Variants in RASGRP3 observed in about 807,000 individuals in gnomAD.
The protein encoded by RASGRP3 is ras guanyl-releasing protein 3.
In RASGRP3, 54 loss-of-function variants were observed where a neutral mutation model predicts 82.7. The observed-to-expected ratio is 0.65, with a 90% CI of 0.52 to 0.82. The LOEUF (loss-of-function observed/expected upper bound fraction) is 0.82, where lower values mean the gene tolerates loss of function less well. RASGRP3 is among the 40% of genes least tolerant of loss of function. The pLI is 0.00. For missense variants in RASGRP3, 861 were observed against 828.9 expected (o/e 1.04, Z -0.48); for synonymous variants, 309 against 300.5 (o/e 1.03, Z -0.29).
chr2:33,509,524 A>C (rs1670731693), intron 1 of RASGRP3, among the ~76,000 whole-genome samples: 1 of 152,204 alleles, frequency 6.6e-6, no homozygotes, highest in African/African-American at 2.4e-5. Flanking sequence ...ACTTCCACTG[A>C]CGTTTTAGTC....
rs768686449 is a variant in RASGRP3, at chr2:33,516,565, A to C, written c.94A>C (p.Ser32Arg). The part of the protein sequence containing the change: ...MFDDNGELDN[S>R]YLPRIVLLMH... ...AGATGACAATGGAGAGCTGGATAAT[A>C]GTTATTTGCCAAGAATAGTTCTACT... Residue 32 changes from serine to arginine, a missense_variant, in exon 4 of 18, where the codon AGT (serine) becomes CGT (arginine). Transcript: ENST00000403687. 3.2e-6 allele frequency: 5 copies of C among 1,584,516 alleles called. No individual in the cohort carries two copies. The African/African-American group carries it at 6.7e-5, about 21-fold the overall frequency.
At chr2:33,554,999 G>T (rs1675783547) in intron 14 of RASGRP3, 1 of 152,378 alleles carries the variant, frequency 6.6e-6, no homozygotes, top group African/African-American at 2.4e-5. Flanking sequence ...CCTGGCACAG[G>T]CCAAACATAG....
In RASGRP3 at chr2:33,443,460, A is replaced by G. The variant is rs1007756303; in HGVS notation, c.-384-4360A>G. 5.3e-5 allele frequency among the ~76,000 whole-genome samples: 8 copies of G among 152,128 alleles called. No individual in the cohort carries two copies. The East Asian group carries it at 1.3e-3, about 26-fold the overall frequency. On this transcript the variant is annotated intron_variant, in intron 1 of 18. Transcript: ENST00000402538. The stretch of plus-strand genomic sequence containing the variant: ...AATTCTTTGGATGGGGAAACTAAAC[A>G]TGTGTGGGCTGTTACATCACTCCAA...
At chr2:33,471,131 G>A (rs1667035804) in intron 2 of RASGRP3, among the ~76,000 whole-genome samples, 1 of 151,910 alleles carries the variant, frequency 6.6e-6, no homozygotes, top group African/African-American at 2.4e-5. Context: ...TTTTAATTTT[G>A]TTTTATTAAT....
intron 6 of RASGRP3, among the ~76,000 whole-genome samples, chr2:33,520,901 C>T (rs1671970244): frequency 6.6e-6 from 1 of 152,192 alleles, no homozygotes; most frequent in African/African-American, 2.4e-5. Flanking sequence ...ATACCTTTCT[C>T]ATGAGATTAT....
Position 33,563,007 on chromosome 2 carries a change from A to G in RASGRP3, c.*270A>G. 1 of 478,436 alleles carries G rather than the reference A, an allele frequency of 2.1e-6. No homozygotes were observed. Among genetic ancestry groups the G allele is most frequent in the South Asian group, 3.6e-5 (1 of 27,416 alleles). The allele number at this position is 478,436 out of a possible 1,614,324, so 29.6% of individuals were successfully genotyped here. A position where few individuals can be genotyped will look rare whatever the true frequency, so the allele number is the denominator to read the frequency against. The stretch of plus-strand genomic sequence containing the variant: ...TGTAGTCAGTACTTTTTTCTCATGT[A>G]TCTTTCTCTAGACCATTTATATACG... On this transcript the variant is annotated 3_prime_UTR_variant, in exon 18 of 18. Transcript: ENST00000403687.
intron 10 of RASGRP3, among the ~76,000 whole-genome samples, 184 bp downstream of exon 10, chr2:33,527,596 A>C (rs1672705587): frequency 1.3e-5 from 2 of 152,160 alleles, no homozygotes; most frequent in African/African-American, 4.8e-5. Context: ...ATAACCAGCA[A>C]ATCTTGGGGC....
At chr2:33,528,675 A>C (rs1003053462) in intron 10 of RASGRP3, among the ~76,000 whole-genome samples, 22 of 152,296 alleles carry the variant, frequency 1.4e-4, no homozygotes, top group African/African-American at 5.1e-4. Context: ...CCTTCTCACA[A>C]ACTGTTCCTA....
upstream of RASGRP3, among the ~76,000 whole-genome samples, chr2:33,472,300 G>T (rs114948455): frequency 1.3e-5 from 2 of 152,270 alleles, no homozygotes; most frequent in East Asian, 3.9e-4. Flanking sequence ...AAATGCAACC[G>T]CAGCGAAATG....
intron 10 of RASGRP3, among the ~76,000 whole-genome samples, chr2:33,528,382 A>C (rs1672783566): frequency 6.6e-6 from 1 of 152,148 alleles, no homozygotes; most frequent in Non-Finnish European, 1.5e-5. Flanking sequence ...GCATCCTAGA[A>C]CTTTTAGACA....
chr2:33,561,121 C>A (rs1676602222), intron 17 of RASGRP3, among the ~76,000 whole-genome samples: 1 of 151,496 alleles, frequency 6.6e-6, no homozygotes, highest in Admixed American at 6.6e-5. Flanking sequence ...GGGTGGAGTG[C>A]AGTGGCACAA....
At chr2:33,484,084 C>T (rs1177180651) in intron 1 of RASGRP3, among the ~76,000 whole-genome samples, 3 of 152,296 alleles carry the variant, frequency 2.0e-5, no homozygotes, top group African/African-American at 7.2e-5. Context: ...TCCAGCAATT[C>T]AAATTTGGCT....
chr2:33,514,942 G>A (rs1362321412), intron 2 of RASGRP3, 68 bp from the exon 3 acceptor site: 1 of 580,344 alleles, frequency 1.7e-6, no homozygotes, highest in Non-Finnish European at 3.1e-6. Context: ...TTTCAGGTAG[G>A]AAAGTGATGC....
intron 15 of RASGRP3, among the ~76,000 whole-genome samples, chr2:33,557,618 G>A (rs1676139498): frequency 6.6e-6 from 1 of 151,908 alleles, no homozygotes; most frequent in Non-Finnish European, 1.5e-5. Flanking sequence ...GCTGAGGCAG[G>A]AGAATGGTGT....
rs759551903 is a variant in RASGRP3 at position 33,558,625 on chromosome 2, G to A, written c.1706-47G>A. On this transcript the variant is annotated intron_variant, in intron 16 of 17. Transcript: ENST00000403687. The stretch of plus-strand genomic sequence containing the variant: ...TTTGCACTAACCTTGATGCTTTGCT[G>A]TCAAGCAGTCAGATGTCAAATAATC... The A allele has an allele frequency of 1.1e-5, 17 of 1,483,734 alleles. No individual in the cohort carries two copies. In the African/African-American group the frequency reaches 2.1e-4, roughly 18 times the overall value. The allele number at this position is 1,483,734 out of a possible 1,614,324, so 91.9% of individuals were successfully genotyped here. A position where few individuals can be genotyped will look rare whatever the true frequency, so the allele number is the denominator to read the frequency against.
intron 1 of RASGRP3, among the ~76,000 whole-genome samples, chr2:33,505,576 G>A (rs1399912853): frequency 6.6e-6 from 1 of 152,174 alleles, no homozygotes; most frequent in Non-Finnish European, 1.5e-5. Flanking sequence ...TGGGATTACA[G>A]GCGTGAGCCA....
intron 1 of RASGRP3, among the ~76,000 whole-genome samples, chr2:33,478,340 C>T (rs758778241): frequency 2.6e-5 from 4 of 152,158 alleles, no homozygotes; most frequent in Non-Finnish European, 4.4e-5. Flanking sequence ...CTTGGGTCAG[C>T]CCGCGGCCAT....
chr2:33,442,239 C>T (rs1269376320), intron 1 of RASGRP3, among the ~76,000 whole-genome samples: 1 of 152,224 alleles, frequency 6.6e-6, no homozygotes, highest in Non-Finnish European at 1.5e-5. Context: ...TGGCATGCGC[C>T]TGTAGTCCCA....
chr2:33,516,898 G>A (rs1671517737), intron 4 of RASGRP3: 1 of 323,400 alleles, frequency 3.1e-6, no homozygotes, highest in Non-Finnish European at 5.6e-6. Context: ...CTGTAGGCTG[G>A]ATGTTTCTAA....
Sources: gnomAD v4.1 joint callset for allele counts (sites outside exome capture counted in the v4.1 genomes callset) on GRCh38, gnomAD v4.1.1 for gene constraint, MANE v1.5 for transcripts, NCBI Gene and HGNC (gene_info 2026-07-23, HGNC 2026-07-21) for gene names.